Variants in PDXDC1 observed in about 807,000 individuals in gnomAD.
PDXDC1 encodes the protein pyridoxal dependent decarboxylase domain containing 1.
Under a neutral mutation model 100.1 loss-of-function variants are expected in PDXDC1, and 42 were observed. The observed-to-expected ratio is 0.42, with a 90% CI of 0.33 to 0.54. The LOEUF is 0.54. Among genes scored for constraint, PDXDC1 ranks in the 20% least tolerant of loss-of-function variants. PDXDC1 has a pLI of 0.10. For missense variants in PDXDC1, 636 were observed against 979.2 expected, an observed-to-expected ratio of 0.65 and a Z score of 4.68; for synonymous variants, 260 against 371.7, an observed-to-expected ratio of 0.70 and a Z score of 3.46.
At chr16:15,141,870 T>C (rs914285838), downstream of PDXDC1, among the ~76,000 whole-genome samples, 1 of 152,152 alleles carries the variant, frequency 6.6e-6, no homozygotes, top group African/African-American at 2.4e-5. Flanking sequence ...AACACTGTGC[T>C]GTAAGGAACT....
At chr16:15,043,445 G>A (rs1234965695) in intron 16 of PDXDC1, among the ~76,000 whole-genome samples, 9 of 152,238 alleles carry the variant, frequency 5.9e-5, no homozygotes, top group African/African-American at 2.2e-4. Flanking sequence ...GGGAGGCTGA[G>A]GAGGGAGGAT....
At chr16:15,029,123 G>A (rs2151619031) in intron 15 of PDXDC1, 157 bp downstream of exon 15, 1 of 838,068 alleles carries the variant, frequency 1.2e-6, no homozygotes, top group East Asian at 2.7e-5. Flanking sequence ...GTTCCCCATT[G>A]CGTTACCACC....
At chr16:15,135,824 G>A (rs1422322078) in intron 16 of PDXDC1, 50 of 1,495,382 alleles carry the variant, frequency 3.3e-5, no homozygotes, top group Non-Finnish European at 4.1e-5. Context: ...CGTCACATTG[G>A]CCTGGATGCT....
At chr16:15,136,251 G>C in intron 16 of PDXDC1, 1 of 622,534 alleles carries the variant, frequency 1.6e-6, no homozygotes, top group African/African-American at 1.8e-5. Flanking sequence ...CTGAGGCTCA[G>C]AGCCTGGAGA....
intron 16 of PDXDC1, chr16:15,070,373 A>G (rs1044269042): frequency 2.0e-4 from 133 of 678,148 alleles, no homozygotes; most frequent in Middle Eastern, 1.3e-3. Context: ...GTTTCTTTAA[A>G]TAATACCCAT....
intron 16 of PDXDC1, chr16:15,094,350 G>A (rs1397677847): frequency 2.2e-6 from 2 of 927,578 alleles, no homozygotes; most frequent in South Asian, 1.5e-5. Context: ...CAGCGGCCCC[G>A]CGTGGGGAGG....
intron 1 of PDXDC1, among the ~76,000 whole-genome samples, chr16:14,993,761 A>C (rs1209520488): frequency 1.3e-5 from 2 of 152,308 alleles, no homozygotes; most frequent in African/African-American, 4.8e-5. Flanking sequence ...TCCCGCCAAC[A>C]GTGTAAAAGT....
chr16:15,015,236 C>A (rs1167847487), intron 8 of PDXDC1, among the ~76,000 whole-genome samples: 1 of 152,260 alleles, frequency 6.6e-6, no homozygotes, highest in African/African-American at 2.4e-5. Context: ...CCACTGTGCC[C>A]AGCCCACCTA....
At chr16:15,047,349 C>A in intron 16 of PDXDC1, 2 of 825,028 alleles carry the variant, frequency 2.4e-6, no homozygotes, top group Non-Finnish European at 2.1e-6. Flanking sequence ...GCAGTGGTGG[C>A]ATCCTGTGTT....
intron 13 of PDXDC1, among the ~76,000 whole-genome samples, chr16:15,022,970 A>G (rs952382673): frequency 1.3e-5 from 2 of 152,300 alleles, no homozygotes; most frequent in Non-Finnish European, 2.9e-5. Context: ...AATTTGAACC[A>G]TACAATGTTT....
intron 1 of PDXDC1, among the ~76,000 whole-genome samples, chr16:14,992,652 A>G (rs1305740025): frequency 1.3e-5 from 2 of 152,288 alleles, no homozygotes; most frequent in Non-Finnish European, 2.9e-5. Flanking sequence ...GGTCATGGCT[A>G]AATGATTACC....
intron 16 of PDXDC1, among the ~76,000 whole-genome samples, chr16:15,090,874 T>A (rs1253269035): frequency 2.8e-5 from 1 of 35,654 alleles, no homozygotes; most frequent in Non-Finnish European, 1.0e-4. Flanking sequence ...CAGTGGTTTG[T>A]TTTTTTTTTT....
At chr16:15,095,200 C>A (rs776484302) in intron 16 of PDXDC1, among the ~76,000 whole-genome samples, 2 of 151,962 alleles carry the variant, frequency 1.3e-5, no homozygotes, top group Non-Finnish European at 2.9e-5. Context: ...CACTGGCGTT[C>A]CAAGCATAGG....
chr16:15,132,894 A>G, intron 16 of PDXDC1: 1 of 1,592,714 alleles, frequency 6.3e-7, no homozygotes, highest in South Asian at 1.1e-5. Context: ...CAGGCGGCAC[A>G]GCAAGCTGTC....
At chr16:15,132,352 AG>A (rs1332334802) in intron 16 of PDXDC1, among the ~76,000 whole-genome samples, 4 of 15,172 alleles carry the variant, frequency 2.6e-4, no homozygotes, top group East Asian at 2.9e-3. Flanking sequence ...GGGCTAGGGG[AG>A]GGGGGAGGGG....
At chr16:15,050,995 C>T (rs1437351111) in intron 16 of PDXDC1, among the ~76,000 whole-genome samples, 1 of 152,194 alleles carries the variant, frequency 6.6e-6, no homozygotes, top group Non-Finnish European at 1.5e-5. Context: ...ACTCAGAACA[C>T]CTGTACAGGT....
chr16:14,984,379 A>T (rs1190044235), intron 1 of PDXDC1, among the ~76,000 whole-genome samples: 6 of 83,344 alleles, frequency 7.2e-5, no homozygotes, highest in Admixed American at 3.7e-4. Context: ...AAATTCTGGG[A>T]TTTGAGGTGT....
intron 16 of PDXDC1, among the ~76,000 whole-genome samples, chr16:15,051,820 C>G (rs769828271): frequency 6.6e-6 from 1 of 151,850 alleles, no homozygotes; most frequent in Admixed American, 6.6e-5. Context: ...CCCACCTCAG[C>G]CTCCTTTGCA....
In PDXDC1 at chr16:15,123,847, A is replaced by G. The variant is rs1342048700; in HGVS notation, c.1400-15032A>G. 6.6e-5 allele frequency among the ~76,000 whole-genome samples: 9 copies of G among 135,818 alleles called. No homozygotes were observed. In the South Asian group the frequency reaches 8.3e-4, roughly 12 times the overall value. 89.1% of individuals were successfully genotyped at this position (135,818 alleles called of 152,430 possible). A position where few individuals can be genotyped will look rare whatever the true frequency, so the allele number is the denominator to read the frequency against. Reference sequence around the variant, plus strand: ...TGCCTTTCAACTCAATGATGAGATCATAACATGGCAATAAAATGTCTCCCT... The same window carrying G: ...TGCCTTTCAACTCAATGATGAGATCGTAACATGGCAATAAAATGTCTCCCT... On this transcript the variant is annotated intron_variant, in intron 16 of 16. Transcript: ENST00000535621.
Sources: allele counts gnomAD v4.1 joint callset (sites outside exome capture counted in the v4.1 genomes callset), GRCh38; gene constraint gnomAD v4.1.1; transcripts MANE v1.5; gene names NCBI Gene and HGNC (gene_info 2026-07-23, HGNC 2026-07-21).